The following PTPRA variants were observed in gnomAD, a reference collection of about 807,000 sequenced individuals.
The protein encoded by PTPRA is receptor-type tyrosine-protein phosphatase alpha.
PTPRA carries 25 observed loss-of-function variants against 104.8 expected under a neutral mutation model. That is an observed-to-expected ratio of 0.24 (90% confidence interval 0.17 to 0.33). The LOEUF is 0.33. Ranked by LOEUF, PTPRA falls within the 10% of genes least tolerant of loss-of-function variation. The pLI is 1.00. For missense variants in PTPRA, 765 were observed against 1,015.3 expected, an observed-to-expected ratio of 0.75 and a Z score of 3.35; for synonymous variants, 323 against 368.9, an observed-to-expected ratio of 0.88 and a Z score of 1.43.
Position 3,017,920 on chromosome 20 carries a change from G to A in PTPRA, c.1041+7G>A, listed in dbSNP as rs1365205267. 1.2e-6 allele frequency: 2 copies of A among 1,608,960 alleles called. No individual in the cohort carries two copies. Among genetic ancestry groups the A allele is most frequent in the Non-Finnish European group, 1.7e-6 (2 of 1,175,388 alleles). On this transcript the variant is annotated splice_region_variant and intron_variant, in intron 13 of 23. Coordinates refer to ENST00000399903, the MANE Select transcript of PTPRA (RefSeq NM_001385305.1). The stretch of plus-strand genomic sequence containing the variant: ...CCTGAAGGAGAGAAAGGAGGTAAGT[G>A]GAAAAATTGGATGTGAACAGCAGAA...
chr20:3,018,008 C>T lies in PTPRA; in HGVS notation c.1041+95C>T, dbSNP rs1478390317. ...CTGTCTATCCTTTGTGGGTGCTGTACCAGTAGTTCATCCAGAAAGACACAG... is the reference window on the plus strand; with the variant it reads ...CTGTCTATCCTTTGTGGGTGCTGTATCAGTAGTTCATCCAGAAAGACACAG... On this transcript the variant is annotated intron_variant, in intron 13 of 23. Transcript: ENST00000399903. The T allele has an allele frequency of 5.8e-6, 6 of 1,033,778 alleles. No homozygotes were observed. The Admixed American group carries it at 6.4e-5, about 11-fold the overall frequency. 64.0% of individuals were successfully genotyped at this position (1,033,778 alleles called of 1,614,324 possible). A position where few individuals can be genotyped will look rare whatever the true frequency, so the allele number is the denominator to read the frequency against.
intron 2 of PTPRA, among the ~76,000 whole-genome samples, chr20:2,924,831 C>T (rs946249365): frequency 2.7e-4 from 41 of 152,204 alleles, no homozygotes; most frequent in African/African-American, 8.9e-4. Flanking sequence ...CAGACACGCG[C>T]CACCACGCCC....
chr20:3,009,014 A>G (rs74886225), intron 11 of PTPRA, among the ~76,000 whole-genome samples: 1,970 of 152,276 alleles, frequency 0.013, 39 homozygotes, highest in African/African-American at 0.043. Context: ...GAACATAAGA[A>G]GGGCTGTTTC....
chr20:2,918,161 C>A (rs2059976165), intron 1 of PTPRA, among the ~76,000 whole-genome samples: 4 of 150,958 alleles, frequency 2.6e-5, no homozygotes, highest in Admixed American at 2.6e-4. Context: ...GGGTGTCAGG[C>A]AAAGTATTAA....
chr20:3,038,270 G>C lies in PTPRA; in HGVS notation c.*137G>C. On this transcript the variant is annotated 3_prime_UTR_variant, in exon 24 of 24. Coordinates refer to ENST00000399903, the MANE Select transcript of PTPRA (RefSeq NM_001385305.1). Reference sequence around the variant, plus strand: ...GTACATAGGCTTCTATTACCTATTAGGTGGAAATTTTATATGTAAATGTGT... The same window carrying C: ...GTACATAGGCTTCTATTACCTATTACGTGGAAATTTTATATGTAAATGTGT... 1 of 758,064 alleles carries C rather than the reference G, an allele frequency of 1.3e-6. No homozygotes were observed. The highest frequency in any genetic ancestry group is 2.9e-5 in the Admixed American group (1 of 35,046). The allele number at this position is 758,064 out of a possible 1,614,324, so 47.0% of individuals were successfully genotyped here. A position where few individuals can be genotyped will look rare whatever the true frequency, so the allele number is the denominator to read the frequency against.
At chr20:2,964,436 T>C (rs1480500965) in intron 4 of PTPRA, 86 bp downstream of exon 4, 2 of 1,153,718 alleles carry the variant, frequency 1.7e-6, no homozygotes, top group Non-Finnish European at 2.5e-6. Context: ...CGAGATGGTA[T>C]TTGAAGAAAG....
intron 5 of PTPRA, among the ~76,000 whole-genome samples, chr20:2,969,609 CTT>C (rs2062087128): frequency 7.8e-6 from 1 of 127,740 alleles, no homozygotes. Flanking sequence ...AATCCCAGCA[CTT>C]TGGGAGGCTG....
intron 1 of PTPRA, among the ~76,000 whole-genome samples, chr20:2,911,784 T>A (rs918671024): frequency 2.0e-5 from 3 of 152,054 alleles, no homozygotes; most frequent in African/African-American, 7.3e-5. Context: ...GGTAGATACG[T>A]ACATGCCCCC....
Position 3,038,175 on chromosome 20 carries a change from A to G in PTPRA, c.*42A>G. 1.3e-6 allele frequency: 2 copies of G among 1,532,302 alleles called. No individual in the cohort carries two copies. Among genetic ancestry groups the G allele is most frequent in the African/African-American group, 1.4e-5 (1 of 73,078 alleles). The allele number at this position is 1,532,302 out of a possible 1,614,324, so 94.9% of individuals were successfully genotyped here. A position where few individuals can be genotyped will look rare whatever the true frequency, so the allele number is the denominator to read the frequency against. ...GTGGACCAGGAGGATTGCCTTTAAT[A>G]TTTTGTAATATTCTGTTTTGTTAAT... On this transcript the variant is annotated 3_prime_UTR_variant, in exon 24 of 24. Transcript: ENST00000399903.
intron 9 of PTPRA, among the ~76,000 whole-genome samples, chr20:2,998,282 T>C (rs6084229): frequency 0.38 from 57,870 of 151,758 alleles, 12,628 homozygotes; most frequent in Non-Finnish European, 0.5. Context: ...ATCTGTGCGA[T>C]GTGAGATGTG....
chr20:2,916,828 C>T (rs111748784), intron 1 of PTPRA, among the ~76,000 whole-genome samples: 86 of 152,284 alleles, frequency 5.6e-4, no homozygotes, highest in African/African-American at 1.9e-3. Flanking sequence ...CTTTGGTTAC[C>T]GGTGCTTTGC....
intron 3 of PTPRA, 125 bp from the exon 4 acceptor site, chr20:2,964,147 C>G (rs924035959): frequency 3.9e-6 from 3 of 767,948 alleles, no homozygotes; most frequent in African/African-American, 1.8e-5. Flanking sequence ...ATCAGGCTCC[C>G]AAAAGATCAT....
At chr20:2,923,330 A>T (rs764864397) in intron 2 of PTPRA, 45 bp downstream of exon 2, 81 of 1,242,014 alleles carry the variant, frequency 6.5e-5, no homozygotes, top group Non-Finnish European at 8.2e-5. Flanking sequence ...TTTGCCAGCC[A>T]AGTAGTGTCC....
chr20:3,016,346 C>T (rs2148384081), intron 12 of PTPRA, among the ~76,000 whole-genome samples: 1 of 152,348 alleles, frequency 6.6e-6, no homozygotes, highest in East Asian at 1.9e-4. Context: ...ATCAGGGACC[C>T]AGCACCATGT....
chr20:2,975,167 T>C, intron 5 of PTPRA, 48 bp from the exon 6 acceptor site: 1 of 1,475,724 alleles, frequency 6.8e-7, no homozygotes, highest in Non-Finnish European at 9.4e-7. Flanking sequence ...AATTGTAATG[T>C]GTTTCTTTAA....
intron 6 of PTPRA, among the ~76,000 whole-genome samples, chr20:2,982,243 A>G (rs1045399560): frequency 6.6e-6 from 1 of 151,848 alleles, no homozygotes; most frequent in African/African-American, 2.4e-5. Flanking sequence ...GGGGTGTGCC[A>G]CCACACCCGC....
chr20:2,866,464 C>T, the PTPRA span: 1 of 1,614,194 alleles, frequency 6.2e-7, no homozygotes. Flanking sequence ...GGCCATCGAA[C>T]ACCGGAATGA....
intron 5 of PTPRA, 119 bp downstream of exon 5, chr20:2,965,321 T>A: frequency 2.0e-6 from 2 of 1,010,762 alleles, no homozygotes; most frequent in Non-Finnish European, 2.8e-6. Flanking sequence ...TCAAGTGAAG[T>A]AATGAAACCT....
chr20:2,866,041 A>G, the PTPRA span: 1 of 638,408 alleles, frequency 1.6e-6, no homozygotes, highest in Non-Finnish European at 2.7e-6. Context: ...TGCCCTAAGA[A>G]TGTTGAGATC....
Sources: gnomAD v4.1 joint callset for allele counts (sites outside exome capture counted in the v4.1 genomes callset) on GRCh38, gnomAD v4.1.1 for gene constraint, MANE v1.5 for transcripts, NCBI Gene and HGNC (gene_info 2026-07-23, HGNC 2026-07-21) for gene names.